Variants in PRUNE2 observed in about 807,000 individuals in gnomAD.
PRUNE2 encodes prune homolog 2 with BCH domain.
Under a neutral mutation model 252.0 loss-of-function variants are expected in PRUNE2, and 164 were observed. The ratio of observed to expected loss-of-function variants is 0.65; its 90% CI spans 0.57 to 0.74. The LOEUF (loss-of-function observed/expected upper bound fraction) is 0.74, where lower values mean the gene tolerates loss of function less well. Among genes scored for constraint, PRUNE2 ranks in the 30% least tolerant of loss-of-function variants. The pLI is 0.00. For missense variants in PRUNE2, 3,495 were observed against 3,711.0 expected (o/e 0.94, Z 1.51); for synonymous variants, 1,292 against 1,350.2 (o/e 0.96, Z 0.94).
At chr9:76,628,446 A>C (rs1231499324) in intron 16 of PRUNE2, among the ~76,000 whole-genome samples, 1 of 152,224 alleles carries the variant, frequency 6.6e-6, no homozygotes, top group East Asian at 1.9e-4. Flanking sequence ...GAAACAGAGA[A>C]AGAGTTATTT....
At chr9:76,716,810 G>A (rs1258369518) in intron 6 of PRUNE2, among the ~76,000 whole-genome samples, 13 of 138,566 alleles carry the variant, frequency 9.4e-5, no homozygotes, top group African/African-American at 3.4e-4. Flanking sequence ...CCCTCCCCTC[G>A]CCCCCCAACC....
chr9:76,790,269 A>G (rs553741728), intron 6 of PRUNE2, among the ~76,000 whole-genome samples: 1 of 152,322 alleles, frequency 6.6e-6, no homozygotes, highest in Non-Finnish European at 1.5e-5. Context: ...AACAATTCCC[A>G]TGCTAGCACA....
chr9:76,871,878 C>T (rs1417987528), intron 1 of PRUNE2, among the ~76,000 whole-genome samples: 1 of 152,190 alleles, frequency 6.6e-6, no homozygotes, highest in African/African-American at 2.4e-5. Flanking sequence ...ATCTGCCTGC[C>T]TCAGGCTCCC....
intron 1 of PRUNE2, among the ~76,000 whole-genome samples, chr9:76,884,500 G>T (rs1373865738): frequency 6.6e-6 from 1 of 152,152 alleles, no homozygotes; most frequent in African/African-American, 2.4e-5. Context: ...ATGTCTGATT[G>T]ACTAAGACTT....
intron 6 of PRUNE2, among the ~76,000 whole-genome samples, chr9:76,773,436 A>G (rs1018020843): frequency 7.2e-6 from 1 of 138,310 alleles, no homozygotes; most frequent in African/African-American, 2.8e-5. Flanking sequence ...ACACTAGTAC[A>G]TCTTTTTTTT....
intron 6 of PRUNE2, among the ~76,000 whole-genome samples, chr9:76,789,357 T>C (rs1056939529): frequency 6.6e-6 from 1 of 152,226 alleles, no homozygotes; most frequent in East Asian, 1.9e-4. Flanking sequence ...TTTGACTTGC[T>C]GAAGTTTATG....
Position 76,826,853 on chromosome 9 carries a change from C to T in PRUNE2, c.509-121G>A, listed in dbSNP as rs142722367. 2.8e-5 allele frequency: 21 copies of T among 755,148 alleles called. 1 individual carries two copies. The East Asian group carries it at 5.6e-4, about 20-fold the overall frequency. The allele number at this position is 755,148 out of a possible 1,614,324, so 46.8% of individuals were successfully genotyped here. On this transcript the variant is annotated intron_variant, in intron 4 of 18. Coordinates refer to ENST00000376718, the MANE Select transcript of PRUNE2 (RefSeq NM_015225.3). ...TTCCATTTCTGTCTCTCACCTGGAC[C>T]AGAGTCCTCCACACGTAACATTCAA...
intron 6 of PRUNE2, among the ~76,000 whole-genome samples, chr9:76,817,310 C>T (rs1257956352): frequency 6.6e-6 from 1 of 152,158 alleles, no homozygotes; most frequent in Non-Finnish European, 1.5e-5. Flanking sequence ...TGGGTCCTGG[C>T]TCTACAGATT....
chr9:76,703,416 T>A lies in PRUNE2; in HGVS notation c.8197A>T (p.Lys2733Ter). Residue 2733 changes from lysine to a stop codon, truncating the protein, a stop_gained, in exon 9 of 19, where the codon AAA becomes TAA. Coordinates refer to ENST00000376718, the MANE Select transcript of PRUNE2 (RefSeq NM_015225.3). LOFTEE classifies it high-confidence loss of function. ...WEMLSPQPVQ[K>*]NMIPDTEMEE... is the part of the protein sequence containing the mutation. ...ATTTCCGTGTCAGGGATCATGTTTT[T>A]CTGAACAGGCTGTGGTGAAAGCATT... The A allele has an allele frequency of 6.2e-7, 1 of 1,613,780 alleles. No homozygotes were observed. Among genetic ancestry groups the A allele is most frequent in the Non-Finnish European group, 8.5e-7 (1 of 1,179,764 alleles).
At chr9:76,662,762 T>C (rs183446149) in intron 9 of PRUNE2, among the ~76,000 whole-genome samples, 1 of 152,222 alleles carries the variant, frequency 6.6e-6, no homozygotes, top group Non-Finnish European at 1.5e-5. Context: ...ATGGGGTCCA[T>C]TGTTCTTTAG....
At chr9:76,628,913 C>T (rs1452498827) in intron 16 of PRUNE2, among the ~76,000 whole-genome samples, 1 of 151,636 alleles carries the variant, frequency 6.6e-6, no homozygotes, top group African/African-American at 2.4e-5. Context: ...GGCACGATCA[C>T]AGCTCACTGC....
Position 76,707,836 on chromosome 9 carries a change from C to T in PRUNE2, c.4438G>A (p.Gly1480Arg). The T allele has an allele frequency of 6.2e-7, 1 of 1,613,632 alleles. No homozygotes were observed. The highest frequency in any genetic ancestry group is 8.5e-7 in the Non-Finnish European group (1 of 1,179,728). Reference sequence around the variant, plus strand: ...CTTCGGGGAACTCTGTGAGGTGGCCCTCCACCCACGTTCTCTGGCTCTAGA... The same window carrying T: ...CTTCGGGGAACTCTGTGAGGTGGCCTTCCACCCACGTTCTCTGGCTCTAGA... ...NFLEPENVGG[G>R]PPHRVPRSLD... Residue 1480 changes from glycine (G) to arginine (R), a missense_variant, in exon 8 of 19, where the codon GGG (glycine) becomes AGG (arginine). Transcript: ENST00000376718.
At chr9:76,676,282 T>TA (rs2042569787) in intron 9 of PRUNE2, among the ~76,000 whole-genome samples, 3 of 150,662 alleles carry the variant, frequency 2.0e-5, no homozygotes, top group African/African-American at 4.9e-5. Flanking sequence ...TTTTTTTTTT[T>TA]AACAAAAATG....
chr9:76,671,367 G>C (rs1175393187), intron 9 of PRUNE2, among the ~76,000 whole-genome samples: 2 of 149,560 alleles, frequency 1.3e-5, no homozygotes, highest in Non-Finnish European at 3.0e-5. Context: ...AGAATAAAAA[G>C]AAATGAGCAA....
At chr9:76,851,263 A>G (rs2059938651) in intron 2 of PRUNE2, among the ~76,000 whole-genome samples, 1 of 152,054 alleles carries the variant, frequency 6.6e-6, no homozygotes, top group Non-Finnish European at 1.5e-5. Flanking sequence ...CTTTAAATTA[A>G]CGGGCTGGGT....
intron 6 of PRUNE2, among the ~76,000 whole-genome samples, chr9:76,718,310 G>A (rs1055505430): frequency 6.6e-6 from 1 of 152,168 alleles, no homozygotes; most frequent in Non-Finnish European, 1.5e-5. Context: ...AGATATCCTT[G>A]AGAGACAGAA....
intron 1 of PRUNE2, among the ~76,000 whole-genome samples, chr9:76,875,867 C>T (rs1281546029): frequency 6.6e-6 from 1 of 152,154 alleles, no homozygotes; most frequent in African/African-American, 2.4e-5. Context: ...CTTGGGAGAA[C>T]ATCAAAATCA....
chr9:76,843,470 A>C (rs2059505266), intron 4 of PRUNE2, among the ~76,000 whole-genome samples: 1 of 152,198 alleles, frequency 6.6e-6, no homozygotes. Context: ...TTAAGGTATA[A>C]TTTTAAAAAA....
At chr9:76,788,374 G>A in intron 6 of PRUNE2, 1 of 752,154 alleles carries the variant, frequency 1.3e-6, no homozygotes, top group Admixed American at 1.8e-5. Flanking sequence ...ATATATACTG[G>A]ACATTAAACT....
Sources: allele counts gnomAD v4.1 joint callset (sites outside exome capture counted in the v4.1 genomes callset), GRCh38; gene constraint gnomAD v4.1.1; transcripts MANE v1.5; gene names NCBI Gene and HGNC (gene_info 2026-07-23, HGNC 2026-07-21).